The following SMYD3 variants were observed in gnomAD, a reference collection of about 807,000 sequenced individuals.
SMYD3 encodes histone-lysine N-methyltransferase SMYD3.
SMYD3 carries 36 observed loss-of-function variants against 57.7 expected under a neutral mutation model. The observed-to-expected ratio is 0.62, with a 90% CI of 0.48 to 0.82. SMYD3 has a LOEUF of 0.82. Among genes scored for constraint, SMYD3 ranks in the 40% least tolerant of loss-of-function variants. The pLI, the probability that SMYD3 is intolerant of heterozygous loss-of-function variation, is 0.00. For missense variants in SMYD3, 515 were observed against 538.8 expected (o/e 0.96, Z 0.44); for synonymous variants, 211 against 195.0 (o/e 1.08, Z -0.68).
intron 5 of SMYD3, among the ~76,000 whole-genome samples, chr1:246,309,174 C>G (rs2065034826): frequency 6.6e-6 from 1 of 151,864 alleles, no homozygotes; most frequent in Non-Finnish European, 1.5e-5. Context: ...TTAAAAAAAG[C>G]TTAATTGTTA....
At chr1:245,879,063 C>T (rs2052638138) in intron 8 of SMYD3, among the ~76,000 whole-genome samples, 1 of 152,326 alleles carries the variant, frequency 6.6e-6, no homozygotes, top group South Asian at 2.1e-4. Context: ...GCTTGCCCAT[C>T]TCCCCATTTC....
intron 5 of SMYD3, among the ~76,000 whole-genome samples, chr1:246,180,140 T>C (rs1255767649): frequency 1.3e-5 from 2 of 149,786 alleles, no homozygotes; most frequent in Non-Finnish European, 3.0e-5. Context: ...AGATCCCATA[T>C]CTAATATATC....
At chr1:246,302,436 G>A (rs2064906539) in intron 5 of SMYD3, among the ~76,000 whole-genome samples, 1 of 152,124 alleles carries the variant, frequency 6.6e-6, no homozygotes, top group Non-Finnish European at 1.5e-5. Context: ...TTCATGAAAA[G>A]ACTGAATTAG....
intron 5 of SMYD3, among the ~76,000 whole-genome samples, chr1:246,234,820 T>G (rs1346575307): frequency 1.3e-5 from 2 of 152,282 alleles, no homozygotes; most frequent in African/African-American, 2.4e-5. Context: ...ACTACACAAT[T>G]TGGAACTAGA....
At chr1:246,346,607 A>G (rs1430756857) in intron 2 of SMYD3, among the ~76,000 whole-genome samples, 3 of 152,130 alleles carry the variant, frequency 2.0e-5, no homozygotes, top group Non-Finnish European at 4.4e-5. Flanking sequence ...GCAAAGCAGG[A>G]AGCCCCTTAT....
intron 8 of SMYD3, among the ~76,000 whole-genome samples, chr1:245,910,387 A>G (rs2054880236): frequency 6.6e-6 from 1 of 152,174 alleles, no homozygotes; most frequent in African/African-American, 2.4e-5. Flanking sequence ...CTACATTTTC[A>G]ATGTAATCCA....
At chr1:245,944,517 C>T (rs1325062157) in intron 5 of SMYD3, among the ~76,000 whole-genome samples, 2 of 152,168 alleles carry the variant, frequency 1.3e-5, no homozygotes, top group Non-Finnish European at 2.9e-5. Context: ...AAAAATATTC[C>T]ATGCTCATAG....
At chr1:246,122,225 C>T (rs890355232) in intron 5 of SMYD3, among the ~76,000 whole-genome samples, 1 of 151,576 alleles carries the variant, frequency 6.6e-6, no homozygotes, top group African/African-American at 2.4e-5. Context: ...GCCTGAGCAA[C>T]ATGGCAAGAT....
At chr1:246,116,654 G>T (rs192427086) in intron 5 of SMYD3, among the ~76,000 whole-genome samples, 13 of 152,280 alleles carry the variant, frequency 8.5e-5, no homozygotes, top group Admixed American at 6.5e-4. Flanking sequence ...CACAGGAAAA[G>T]AAATATAGAA....
intron 10 of SMYD3, among the ~76,000 whole-genome samples, chr1:245,766,560 T>C (rs2046112993): frequency 6.6e-6 from 1 of 152,110 alleles, no homozygotes; most frequent in South Asian, 2.1e-4. Context: ...TCTATTTGTG[T>C]AGAAATGACT....
chr1:245,940,475 C>G (rs2057188196), intron 5 of SMYD3, among the ~76,000 whole-genome samples: 1 of 152,124 alleles, frequency 6.6e-6, no homozygotes, highest in Admixed American at 6.5e-5. Flanking sequence ...CTGGTGATAC[C>G]TCCAGGTGCA....
intron 5 of SMYD3, among the ~76,000 whole-genome samples, chr1:246,031,021 G>A (rs2059662013): frequency 6.6e-6 from 1 of 152,032 alleles, no homozygotes; most frequent in Admixed American, 6.5e-5. Context: ...AACACTGTTT[G>A]AAAAAATCAC....
At chr1:246,053,771 G>A (rs1242770489) in intron 5 of SMYD3, among the ~76,000 whole-genome samples, 3 of 151,398 alleles carry the variant, frequency 2.0e-5, no homozygotes, top group Admixed American at 6.6e-5. Context: ...ATAATGTAGT[G>A]AGACCCGATC....
rs542828924 is a variant in SMYD3 at position 246,408,903 on chromosome 1, C to A, written c.165-53809G>T. The stretch of plus-strand genomic sequence containing the variant: ...CAGGTTGGTCTCAAACTCCTGACCT[C>A]AAATGATCTGCCCGCTTCGGTCTCC... On this transcript the variant is annotated intron_variant, in intron 1 of 11. Transcript: ENST00000490107. Among the ~76,000 whole-genome samples the A allele has an allele frequency of 1.3e-4, 20 of 152,270 alleles. 2 individuals carry two copies. In the South Asian group the frequency reaches 3.7e-3, roughly 28 times the overall value.
At chr1:246,359,509 A>G (rs947505792) in intron 1 of SMYD3, among the ~76,000 whole-genome samples, 3 of 152,172 alleles carry the variant, frequency 2.0e-5, no homozygotes. Flanking sequence ...AGGAGTTAAC[A>G]AAAAATTAAA....
chr1:246,468,656 A>C (rs928720690), intron 1 of SMYD3, among the ~76,000 whole-genome samples: 30 of 152,062 alleles, frequency 2.0e-4, no homozygotes, highest in African/African-American at 6.8e-4. Context: ...AAAGGAAAAA[A>C]AATTAATAAC....
intron 5 of SMYD3, among the ~76,000 whole-genome samples, chr1:245,997,740 A>T (rs2058960401): frequency 6.6e-6 from 1 of 152,236 alleles, no homozygotes; most frequent in South Asian, 2.1e-4. Flanking sequence ...CAGGGAAACA[A>T]GACACAGTCA....
chr1:246,198,692 T>C (rs1394403437), intron 5 of SMYD3, among the ~76,000 whole-genome samples: 1 of 152,238 alleles, frequency 6.6e-6, no homozygotes, highest in Non-Finnish European at 1.5e-5. Flanking sequence ...GATCTTAGTC[T>C]ACTGCTTTGA....
chr1:246,038,671 C>T (rs1165406425), intron 5 of SMYD3, among the ~76,000 whole-genome samples: 1 of 152,186 alleles, frequency 6.6e-6, no homozygotes, highest in Non-Finnish European at 1.5e-5. Flanking sequence ...TTGCCTAGCT[C>T]CAACATCTTT....
Sources: gnomAD v4.1 joint callset for allele counts (sites outside exome capture counted in the v4.1 genomes callset) on GRCh38, gnomAD v4.1.1 for gene constraint, MANE v1.5 for transcripts, NCBI Gene and HGNC (gene_info 2026-07-23, HGNC 2026-07-21) for gene names.